FAM9C: variants seen among roughly 807,000 people sequenced by gnomAD.
FAM9C encodes the protein family with sequence similarity 9 member C, also known as protein FAM9C.
Under a neutral mutation model 14.8 loss-of-function variants are expected in FAM9C, and 15 were observed. The observed-to-expected ratio is 1.02, with a 90% CI of 0.68 to 1.56. The LOEUF (loss-of-function observed/expected upper bound fraction) is 1.56. Ranked by LOEUF, FAM9C falls within the 40% of genes most tolerant of loss-of-function variation. The pLI is 0.00. For missense variants in FAM9C, 116 were observed against 118.0 expected (o/e 0.98, Z 0.08); for synonymous variants, 45 against 37.5 (o/e 1.20, Z -0.74).
intron 2 of FAM9C, 113 bp downstream of exon 2, chrX:13,043,616 T>C (rs992777329): frequency 1.1e-6 from 1 of 948,287 alleles, no homozygotes; most frequent in Admixed American, 2.4e-5. Context: ...CACGGTGAGC[T>C]CCAAAGCCAC....
chrX:13,041,168 CTTTAA>C (rs1361604602), intron 4 of FAM9C: 1 of 130,760 alleles, frequency 7.6e-6, no homozygotes, highest in African/African-American at 3.4e-5. Flanking sequence ...CAAACACAGA[CTTTAA>C]TTTCTTTTTT....
At chrX:13,039,417 A>G (rs1282603747) in intron 6 of FAM9C, among the ~76,000 whole-genome samples, 3 of 111,059 alleles carry the variant, frequency 2.7e-5, no homozygotes, top group African/African-American at 9.8e-5. Flanking sequence ...TCACTGCCCA[A>G]TGCCCCACCC....
intron 2 of FAM9C, 97 bp from the exon 3 acceptor site, chrX:13,043,345 C>G: frequency 9.5e-7 from 1 of 1,047,352 alleles, no homozygotes; most frequent in South Asian, 2.4e-5. Context: ...TTTTTTGGCT[C>G]TCCGCCAATT....
At chrX:13,039,528 T>A (rs1038003844) in intron 6 of FAM9C, among the ~76,000 whole-genome samples, 1 of 111,685 alleles carries the variant, frequency 9.0e-6, no homozygotes, top group African/African-American at 3.3e-5. Context: ...TCTATCAACA[T>A]GCTCGGCTAC....
chrX:13,038,332 A>C (rs1210308107), intron 7 of FAM9C, 84 bp downstream of exon 7: 3 of 783,511 alleles, frequency 3.8e-6, no homozygotes, highest in Non-Finnish European at 5.3e-6. Flanking sequence ...CTTTCCATAC[A>C]TTCAGAAACA....
chrX:13,039,761 A>T, intron 6 of FAM9C, 47 bp downstream of exon 6: 2 of 1,166,042 alleles, frequency 1.7e-6, no homozygotes, highest in South Asian at 4.1e-5. Context: ...TTACTACCTG[A>T]GACATTGATA....
At chrX:13,043,939 G>T in intron 1 of FAM9C, 82 bp from the exon 2 acceptor site, 1 of 552,566 alleles carries the variant, frequency 1.8e-6, no homozygotes, top group Non-Finnish European at 3.0e-6. Flanking sequence ...AGGTTCAAGG[G>T]CGCCCCGGGT....
intron 3 of FAM9C, 38 bp downstream of exon 3, chrX:13,043,090 A>G: frequency 8.4e-7 from 1 of 1,191,787 alleles, no homozygotes; most frequent in Non-Finnish European, 1.1e-6. Context: ...TTCCTAAAAG[A>G]CCTTATCTGA....
intron 6 of FAM9C, among the ~76,000 whole-genome samples, chrX:13,038,804 AAGATCTATAC>A (rs1483440982): frequency 1.8e-5 from 2 of 112,338 alleles, no homozygotes; most frequent in African/African-American, 6.5e-5. Flanking sequence ...ACAGATAGGT[AAGATCTATAC>A]AGAAATTAAC....
In FAM9C at chrX:13,043,220, C is replaced by T. The variant is rs750168841; in HGVS notation, c.90G>A (p.Glu30=). 1.7e-6 allele frequency: 2 copies of T among 1,207,489 alleles called. No individual in the cohort carries two copies. Among genetic ancestry groups the T allele is most frequent in the African/African-American group, 3.5e-5 (2 of 57,643 alleles). Residue 30 remains glutamate, a synonymous_variant, in exon 3 of 8, where the codon GAG becomes GAA. Coordinates refer to ENST00000380625, the MANE Select transcript of FAM9C (RefSeq NM_174901.6). The part of the protein sequence containing the change: ...AGKDPVSHEH[E]ERKPVTETKE... ...TTGTCTCTGTAACAGGTTTTCTTTC[C>T]TCATGCTCATGACTTACTGGATCCT...
chrX:13,038,296 T>G (rs2043495603), intron 7 of FAM9C, 120 bp downstream of exon 7: 1 of 472,929 alleles, frequency 2.1e-6, no homozygotes. Flanking sequence ...AAATGGTAAG[T>G]AATTTAAAAT....
chrX:13,037,988 A>C (rs2147289826), intron 7 of FAM9C: 1 of 113,588 alleles, frequency 8.8e-6, no homozygotes, highest in South Asian at 3.7e-4. Context: ...TATTTAACTA[A>C]AACTCTTGAA....
chrX:13,042,982 T>G, intron 3 of FAM9C, 33 bp from the exon 4 acceptor site: 1 of 1,179,691 alleles, frequency 8.5e-7, no homozygotes, highest in South Asian at 2.0e-5. Context: ...AATTTTAACA[T>G]AATGCTACAC....
intron 2 of FAM9C, among the ~76,000 whole-genome samples, 186 bp from the exon 3 acceptor site, chrX:13,043,434 T>A (rs1388340187): frequency 8.9e-6 from 1 of 112,036 alleles, no homozygotes; most frequent in Non-Finnish European, 1.9e-5. Context: ...GCCCTTCGGG[T>A]TCAAGTCCCA....
intron 4 of FAM9C, chrX:13,041,103 TG>T (rs1251403408): frequency 1.3e-5 from 3 of 233,850 alleles, no homozygotes; most frequent in African/African-American, 8.7e-5. Flanking sequence ...TGACAGATAA[TG>T]AAAAAAAGCA....
At chrX:13,043,611 T>C in intron 2 of FAM9C, 118 bp downstream of exon 2, 1 of 887,217 alleles carries the variant, frequency 1.1e-6, no homozygotes, top group Non-Finnish European at 1.6e-6. Flanking sequence ...ACATGCACGG[T>C]GAGCTCCAAA....
At chrX:13,038,752 A>T (rs1190472727) in intron 6 of FAM9C, among the ~76,000 whole-genome samples, 1 of 112,382 alleles carries the variant, frequency 8.9e-6, no homozygotes, top group African/African-American at 3.2e-5. Context: ...TCTTGATTTC[A>T]AATGAAGAGT....
At position 13,043,814 on chromosome X, in the gene FAM9C, C is replaced by G; in HGVS notation, c.-25G>C. ...TCCTGCTGCCCTTCCTGCCCACGGG[C>G]TCCGTGGCTGACTGGCCTGGGAAGC... On this transcript the variant is annotated 5_prime_UTR_variant, in exon 2 of 8. Transcript: ENST00000380625. The G allele has an allele frequency of 1.7e-6, 2 of 1,208,365 alleles. No homozygotes were observed. The highest frequency in any genetic ancestry group is 2.2e-6 in the Non-Finnish European group (2 of 892,179).
chrX:13,042,501 T>TA (rs751952539), intron 4 of FAM9C: 2 of 150,341 alleles, frequency 1.3e-5, no homozygotes, highest in South Asian at 2.8e-4. Flanking sequence ...ATAATCTGTA[T>TA]ACCAAACCCC....
Sources: gnomAD v4.1 joint callset for allele counts (sites outside exome capture counted in the v4.1 genomes callset) on GRCh38, gnomAD v4.1.1 for gene constraint, MANE v1.5 for transcripts, NCBI Gene and HGNC (gene_info 2026-07-23, HGNC 2026-07-21) for gene names.